NFIA: variants seen among roughly 807,000 people sequenced by gnomAD.
The protein encoded by NFIA is nuclear factor I A.
Under a neutral mutation model 62.8 loss-of-function variants are expected in NFIA, and 8 were observed. The observed-to-expected ratio is 0.13, with a 90% CI of 0.07 to 0.23. The LOEUF (loss-of-function observed/expected upper bound fraction) is 0.23, where lower values mean the gene tolerates loss of function less well. NFIA is among the 10% of genes least tolerant of loss of function. The probability of loss-of-function intolerance (pLI) is 1.00; values close to 1 mark genes in which losing one functional copy is unlikely to be tolerated. For synonymous variants in NFIA, 235 were observed against 238.1 expected, an observed-to-expected ratio of 0.99 and a Z score of 0.12; for missense variants, 410 against 642.1, an observed-to-expected ratio of 0.64 and a Z score of 3.91.
At chr1:61,406,819 AGAAAGAGG>A in intron 9 of NFIA, 92 bp downstream of exon 9, 1 of 1,339,310 alleles carries the variant, frequency 7.5e-7, no homozygotes, top group African/African-American at 1.5e-5. Flanking sequence ...TATAGGCTCT[AGAAAGAGG>A]CACAGATCCC....
At chr1:61,306,709 A>G (rs1020935734) in intron 3 of NFIA, among the ~76,000 whole-genome samples, 3 of 152,172 alleles carry the variant, frequency 2.0e-5, no homozygotes, top group African/African-American at 7.2e-5. Flanking sequence ...AATACTTCCT[A>G]GATGGTGGAG....
At chr1:61,114,773 T>C (rs746485200) in intron 2 of NFIA, among the ~76,000 whole-genome samples, 2 of 152,188 alleles carry the variant, frequency 1.3e-5, no homozygotes, top group African/African-American at 2.4e-5. Context: ...CACTTTTCTA[T>C]ATTTACCTTG....
At chr1:61,287,237 T>TCATTCATAG (rs1658561064) in intron 3 of NFIA, among the ~76,000 whole-genome samples, 1 of 152,176 alleles carries the variant, frequency 6.6e-6, no homozygotes, top group Admixed American at 6.5e-5. Context: ...CACAAAGACC[T>TCATTCATAG]CATTCATAGC....
intron 2 of NFIA, among the ~76,000 whole-genome samples, chr1:61,214,586 T>C (rs2100608050): frequency 6.6e-6 from 1 of 152,278 alleles, no homozygotes; most frequent in African/African-American, 2.4e-5. Flanking sequence ...ATTTTATAGA[T>C]AACAAAACTG....
At position 61,195,000 on chromosome 1, in the gene NFIA, T is replaced by C. The variant is rs377427234; in HGVS notation, c.560-82520T>C. Among the ~76,000 whole-genome samples the C allele has an allele frequency of 2.7e-4, 41 of 152,318 alleles. 1 individual carries two copies. The highest frequency in any genetic ancestry group is 9.6e-4 in the African/African-American group (40 of 41,568). On this transcript the variant is annotated intron_variant, in intron 2 of 10. Transcript: ENST00000403491. ...CCCCTTTTGAAAATTATGGCTCTTTTCTGTAGCTTTCTGAGACATCAATTC... is the reference window on the plus strand; with the variant it reads ...CCCCTTTTGAAAATTATGGCTCTTTCCTGTAGCTTTCTGAGACATCAATTC...
intron 2 of NFIA, among the ~76,000 whole-genome samples, chr1:61,170,607 C>G (rs1039320701): frequency 4.7e-4 from 72 of 152,296 alleles, no homozygotes; most frequent in African/African-American, 1.6e-3. Flanking sequence ...TGCCCTCCCC[C>G]ACACCCCCAG....
chr1:61,078,662 A>T (rs1557548074), upstream of NFIA, among the ~76,000 whole-genome samples: 1 of 152,222 alleles, frequency 6.6e-6, no homozygotes, highest in Non-Finnish European at 1.5e-5. Context: ...GCTGTCTTAC[A>T]CACTTGAAAG....
intron 2 of NFIA, among the ~76,000 whole-genome samples, chr1:61,219,046 A>G (rs1056803047): frequency 2.6e-5 from 4 of 152,102 alleles, no homozygotes; most frequent in African/African-American, 9.7e-5. Flanking sequence ...AGTCTGGCCA[A>G]TATGGAGAAA....
At chr1:61,395,737 A>C (rs1665236004) in intron 7 of NFIA, among the ~76,000 whole-genome samples, 1 of 152,156 alleles carries the variant, frequency 6.6e-6, no homozygotes, top group Non-Finnish European at 1.5e-5. Flanking sequence ...GAATATGGTC[A>C]ATTTTGATTC....
chr1:61,178,539 G>A (rs181755355), intron 2 of NFIA, among the ~76,000 whole-genome samples: 16 of 152,318 alleles, frequency 1.1e-4, no homozygotes, highest in Non-Finnish European at 2.4e-4. Context: ...AAGGATATGT[G>A]TAACCAGATA....
chr1:61,251,680 T>C (rs960977821), intron 2 of NFIA, among the ~76,000 whole-genome samples: 18 of 152,218 alleles, frequency 1.2e-4, no homozygotes, highest in African/African-American at 2.7e-4. Context: ...ATGACTGTTA[T>C]GTGATTGTTT....
chr1:61,145,231 C>T (rs1408806482), intron 2 of NFIA, among the ~76,000 whole-genome samples: 2 of 152,150 alleles, frequency 1.3e-5, no homozygotes, highest in African/African-American at 2.4e-5. Context: ...ACAGTAGGAA[C>T]ACGAAGCTAA....
At chr1:61,156,057 C>T (rs1053561148) in intron 2 of NFIA, among the ~76,000 whole-genome samples, 5 of 152,064 alleles carry the variant, frequency 3.3e-5, no homozygotes, top group African/African-American at 1.2e-4. Context: ...CTGTTTGAAC[C>T]CGGGAGGCGG....
At chr1:61,334,255 A>C (rs1440799065) in intron 4 of NFIA, among the ~76,000 whole-genome samples, 1 of 152,064 alleles carries the variant, frequency 6.6e-6, no homozygotes, top group Non-Finnish European at 1.5e-5. Flanking sequence ...GCAGCAGGTC[A>C]TAACTTGGAA....
rs1393262327 is a variant in NFIA at position 61,276,797 on chromosome 1, A to G, written c.560-723A>G. ...TTAATCAAATTCCTTTTTTAGTTTGAAAATATGATTATATTTTTTAAATTA... is the reference window on the plus strand; with the variant it reads ...TTAATCAAATTCCTTTTTTAGTTTGGAAATATGATTATATTTTTTAAATTA... On this transcript the variant is annotated intron_variant, in intron 2 of 10. Transcript: ENST00000403491. 2.0e-5 allele frequency among the ~76,000 whole-genome samples: 3 copies of G among 152,118 alleles called. No individual in the cohort carries two copies. The East Asian group carries it at 5.8e-4, about 29-fold the overall frequency.
At chr1:61,107,428 C>T (rs1392841123) in intron 2 of NFIA, among the ~76,000 whole-genome samples, 1 of 150,364 alleles carries the variant, frequency 6.7e-6, no homozygotes, top group Non-Finnish European at 1.5e-5. Context: ...AATTTGATTA[C>T]TAATGAGACT....
At chr1:61,377,067 AC>A (rs1185582840) in intron 6 of NFIA, among the ~76,000 whole-genome samples, 1 of 151,746 alleles carries the variant, frequency 6.6e-6, no homozygotes, top group African/African-American at 2.4e-5. Flanking sequence ...AAAAAAAAAT[AC>A]AAAAATTAGC....
chr1:61,382,428 A>G (rs1201798969), intron 6 of NFIA, among the ~76,000 whole-genome samples: 1 of 152,234 alleles, frequency 6.6e-6, no homozygotes, highest in Admixed American at 6.5e-5. Context: ...CATAGAAAAG[A>G]CAGGTAAGCA....
intron 2 of NFIA, among the ~76,000 whole-genome samples, chr1:61,114,365 C>G (rs886680292): frequency 1.3e-5 from 2 of 151,988 alleles, no homozygotes; most frequent in African/African-American, 4.8e-5. Flanking sequence ...TGGCCTTTGC[C>G]TGTAGTCCCA....
Sources: gnomAD v4.1 joint callset for allele counts (sites outside exome capture counted in the v4.1 genomes callset) on GRCh38, gnomAD v4.1.1 for gene constraint, MANE v1.5 for transcripts, NCBI Gene and HGNC (gene_info 2026-07-23, HGNC 2026-07-21) for gene names.